Variants in JAKMIP2 observed in about 807,000 individuals in gnomAD.
JAKMIP2 encodes the protein janus kinase and microtubule-interacting protein 2.
In JAKMIP2, 25 loss-of-function variants were observed where a neutral mutation model predicts 115.0. That is an observed-to-expected ratio of 0.22 (90% confidence interval 0.16 to 0.30). The LOEUF is 0.30. Ranked by LOEUF, JAKMIP2 falls within the 10% of genes least tolerant of loss-of-function variation. The pLI is 1.00. For synonymous variants in JAKMIP2, 334 were observed against 343.6 expected (o/e 0.97, Z 0.31); for missense variants, 642 against 957.6 (o/e 0.67, Z 4.35).
At chr5:147,676,588 C>T (rs1759977719) in intron 1 of JAKMIP2, among the ~76,000 whole-genome samples, 1 of 152,172 alleles carries the variant, frequency 6.6e-6, no homozygotes, top group South Asian at 2.1e-4. Context: ...AGCAGTAGCC[C>T]CAGGCAACAT....
intron 17 of JAKMIP2, among the ~76,000 whole-genome samples, chr5:147,623,381 C>CA (rs1043098833): frequency 3.1e-4 from 47 of 152,112 alleles, no homozygotes; most frequent in African/African-American, 1.1e-3. Flanking sequence ...TAAGAAAACT[C>CA]AATTTTCTTC....
At chr5:147,645,078 C>T in intron 5 of JAKMIP2, 82 bp from the exon 6 acceptor site, 2 of 1,306,630 alleles carry the variant, frequency 1.5e-6, no homozygotes, top group Non-Finnish European at 2.2e-6. Flanking sequence ...AGTGAAAGCA[C>T]CTCTGGAGAC....
At chr5:147,650,695 G>A (rs963501498) in intron 3 of JAKMIP2, 148 bp from the exon 4 acceptor site, 3 of 649,126 alleles carry the variant, frequency 4.6e-6, no homozygotes, top group South Asian at 2.0e-5. Flanking sequence ...TGAGTAAGAT[G>A]AGGCAACATT....
intron 2 of JAKMIP2, among the ~76,000 whole-genome samples, chr5:147,666,119 A>AT (rs547809500): frequency 2.0e-5 from 3 of 152,210 alleles, no homozygotes; most frequent in South Asian, 2.1e-4. Flanking sequence ...GAAAACTGAC[A>AT]TTTTTTTGCA....
chr5:147,660,482 T>C, intron 3 of JAKMIP2: 2 of 455,272 alleles, frequency 4.4e-6, no homozygotes, highest in Non-Finnish European at 8.8e-6. Context: ...AGACTCAAGA[T>C]GTTCTCAGTA....
In JAKMIP2 at chr5:147,589,578, C is replaced by A. The variant is rs923587645; in HGVS notation, c.*2129G>T. On this transcript the variant is annotated 3_prime_UTR_variant, in exon 22 of 22. Transcript: ENST00000616793. ...TGTGATACTGTCAGTTTGCTCCAAG[C>A]CTTTGTTTAATGACTGGCTCTCCTG... The A allele has an allele frequency of 2.6e-5, 4 of 152,140 alleles. No homozygotes were observed. The highest frequency in any genetic ancestry group is 9.7e-5 in the African/African-American group (4 of 41,426). The allele number at this position is 152,140 out of a possible 1,614,324, so 9.4% of individuals were successfully genotyped here.
chr5:147,670,259 A>G (rs182458025), intron 2 of JAKMIP2, among the ~76,000 whole-genome samples: 1 of 152,352 alleles, frequency 6.6e-6, no homozygotes, highest in East Asian at 1.9e-4. Context: ...AGATTTTGGG[A>G]GAAATAACAA....
At chr5:147,714,188 C>T (rs531828640) in intron 1 of JAKMIP2, among the ~76,000 whole-genome samples, 1 of 152,180 alleles carries the variant, frequency 6.6e-6, no homozygotes, top group African/African-American at 2.4e-5. Context: ...GTAGCCATTA[C>T]AAAGGTTCTG....
intron 1 of JAKMIP2, among the ~76,000 whole-genome samples, chr5:147,774,763 G>A (rs951008644): frequency 3.3e-5 from 5 of 152,006 alleles, no homozygotes; most frequent in Non-Finnish European, 7.4e-5. Context: ...TAAGAAATGC[G>A]GGTAAAAAAC....
intron 2 of JAKMIP2, among the ~76,000 whole-genome samples, chr5:147,664,038 A>T (rs1485653889): frequency 6.6e-6 from 1 of 152,216 alleles, no homozygotes. Context: ...TATTGCTTAC[A>T]TATTGAAACT....
At chr5:147,684,092 G>C (rs1323753752) in intron 1 of JAKMIP2, among the ~76,000 whole-genome samples, 1 of 152,006 alleles carries the variant, frequency 6.6e-6, no homozygotes, top group Non-Finnish European at 1.5e-5. Context: ...TCCAGTTGAT[G>C]GGATCTTAAA....
rs536702793 is a variant in JAKMIP2, at chr5:147,744,928, C to T, written c.-149+37528G>A. On this transcript the variant is annotated intron_variant, in intron 1 of 21. Coordinates refer to ENST00000616793, the MANE Select transcript of JAKMIP2 (RefSeq NM_001270941.2). ...CAAAAATTAGCTGGGCATGGTGGTG[C>T]GTGCCTGTAGTCTCAGCTAGTCAGG... is the stretch of plus-strand genomic sequence containing the variant. Among the ~76,000 whole-genome samples, 188 of 151,866 alleles carry T rather than the reference C, an allele frequency of 1.2e-3. 1 individual carries two copies. The highest frequency in any genetic ancestry group is 4.4e-3 in the African/African-American group (181 of 41,406).
Position 147,678,900 on chromosome 5 carries a change from A to G in JAKMIP2, c.-148-6946T>C, listed in dbSNP as rs1024142619. On this transcript the variant is annotated intron_variant, in intron 1 of 21. Transcript: ENST00000616793. ...AATCTTAGGTTATAATCCTGGTTGT[A>G]TACTCTGTGCAGGAAAGTAAAAATA... is the stretch of plus-strand genomic sequence containing the variant. Among the ~76,000 whole-genome samples the G allele has an allele frequency of 2.0e-5, 3 of 152,152 alleles. No homozygotes were observed. The East Asian group carries it at 5.8e-4, about 29-fold the overall frequency.
chr5:147,752,820 T>C (rs1384033340), intron 1 of JAKMIP2, among the ~76,000 whole-genome samples: 1 of 152,124 alleles, frequency 6.6e-6, no homozygotes, highest in Non-Finnish European at 1.5e-5. Context: ...ACTCAAAATA[T>C]TTCTAGCTTT....
chr5:147,732,966 T>A (rs1460424060), intron 1 of JAKMIP2, among the ~76,000 whole-genome samples: 5 of 152,220 alleles, frequency 3.3e-5, no homozygotes, highest in African/African-American at 1.2e-4. Flanking sequence ...ATATCCAAAA[T>A]TAAGATCCTT....
chr5:147,601,647 CAAAAA>C lies in JAKMIP2; in HGVS notation c.*20+89_*20+93del, dbSNP rs869131492. 6.0e-6 allele frequency: 3 copies of C among 497,496 alleles called. No homozygotes were observed. The African/African-American group carries it at 7.6e-5, about 13-fold the overall frequency. The allele number at this position is 497,496 out of a possible 1,614,324, so 30.8% of individuals were successfully genotyped here. On this transcript the variant is annotated intron_variant, in intron 21 of 21. Transcript: ENST00000616793. Reference sequence around the variant, plus strand: ...CAAAACAAAACAAAACAAAACAAAACAAAAAACTAAAGAAAGGCATAGTAACTATA... The same window carrying C: ...CAAAACAAAACAAAACAAAACAAAACACTAAAGAAAGGCATAGTAACTATA...
rs201225462 is a variant in JAKMIP2, at chr5:147,636,204, G to A, written c.1677+18C>T. ...TGATTTTCTCCTCTGCCCCGCTAGG[G>A]TGTTGTGCCCAACATACCTTTTCTA... On this transcript the variant is annotated intron_variant, in intron 12 of 21. Transcript: ENST00000616793. The A allele has an allele frequency of 4.6e-5, 73 of 1,601,732 alleles. No homozygotes were observed. Among genetic ancestry groups the A allele is most frequent in the Non-Finnish European group, 1.0e-5 (12 of 1,168,900 alleles).
chr5:147,617,278 C>T (rs529846632), intron 19 of JAKMIP2, among the ~76,000 whole-genome samples: 104 of 152,296 alleles, frequency 6.8e-4, no homozygotes, highest in Middle Eastern at 3.4e-3. Flanking sequence ...CTGACTGTTG[C>T]TTACCATCTG....
At chr5:147,618,252 C>T (rs1756680971) in intron 18 of JAKMIP2, 138 bp from the exon 19 acceptor site, 2 of 657,502 alleles carry the variant, frequency 3.0e-6, no homozygotes, top group Non-Finnish European at 5.3e-6. Context: ...AATTTTAAAA[C>T]TTCTCTAGCC....
Sources: gnomAD v4.1 joint callset for allele counts (sites outside exome capture counted in the v4.1 genomes callset) on GRCh38, gnomAD v4.1.1 for gene constraint, MANE v1.5 for transcripts, NCBI Gene and HGNC (gene_info 2026-07-23, HGNC 2026-07-21) for gene names.